The following ATG16L2 variants were observed in gnomAD, a reference collection of about 807,000 sequenced individuals.
The protein encoded by ATG16L2 is protein Atg16l2.
ATG16L2 carries 77 observed loss-of-function variants against 84.7 expected under a neutral mutation model. The ratio of observed to expected loss-of-function variants is 0.91; its 90% CI spans 0.76 to 1.10. The LOEUF is 1.10. Ranked by LOEUF, ATG16L2 falls within the 50% of genes least tolerant of loss-of-function variation. The pLI is 0.00. For missense variants in ATG16L2, 782 were observed against 817.6 expected, an observed-to-expected ratio of 0.96 and a Z score of 0.53; for synonymous variants, 361 against 342.8, an observed-to-expected ratio of 1.05 and a Z score of -0.59.
At position 72,814,571 on chromosome 11, in the gene ATG16L2, C is replaced by A; in HGVS notation, c.118+8C>A. 6.4e-7 allele frequency: 1 copy of A among 1,560,746 alleles called. No homozygotes were observed. The highest frequency in any genetic ancestry group is 8.7e-7 in the Non-Finnish European group (1 of 1,149,590). The stretch of plus-strand genomic sequence containing the variant: ...TGGAGCTGGTGCCGGCCTGTGAGTG[C>A]GCCCCGGTGCTGAGAGGATGGCGGC... On this transcript the variant is annotated splice_region_variant and intron_variant, in intron 1 of 17. Transcript: ENST00000321297.
intron 5 of ATG16L2, among the ~76,000 whole-genome samples, chr11:72,835,547 T>C: frequency 6.6e-6 from 1 of 152,074 alleles, no homozygotes; most frequent in Non-Finnish European, 1.5e-5. Flanking sequence ...ACAGGCTCAG[T>C]CCCCATGGCT....
At position 72,843,575 on chromosome 11, in the gene ATG16L2, T is replaced by C. The variant is rs146830265; in HGVS notation, c.*980T>C. On this transcript the variant is annotated 3_prime_UTR_variant, in exon 6 of 6. Transcript: ENST00000534905. ...CATGGACAAAATTAAAAAGGTTAGA[T>C]AAGGAGCAGATGTGAGCTGATCATG... 36 of 1,412,784 alleles carry C rather than the reference T, an allele frequency of 2.5e-5. 1 individual carries two copies. The highest frequency in any genetic ancestry group is 1.8e-4 in the Middle Eastern group (1 of 5,408). The allele number at this position is 1,412,784 out of a possible 1,614,324, so 87.5% of individuals were successfully genotyped here. A position where few individuals can be genotyped will look rare whatever the true frequency, so the allele number is the denominator to read the frequency against.
chr11:72,823,895 T>C (rs757322028), intron 7 of ATG16L2, 165 bp from the exon 8 acceptor site: 1 of 811,584 alleles, frequency 1.2e-6, no homozygotes, highest in Non-Finnish European at 2.2e-6. Flanking sequence ...TTCCTGGGAC[T>C]GATCTGGGTC....
Position 72,822,105 on chromosome 11 carries a change from C to A in ATG16L2, c.454C>A (p.Gln152Lys). The part of the protein sequence containing the change: ...LREARAQQAQ[Q>K]VEEWRAQNAV... ...AGAGGCGCGGGCGCAGCAGGCCCAG[C>A]AGGTGGAGGAGTGGCGGGCGCAGAA... The change falls in exon 5 of 18, where the codon CAG becomes AAG. Residue 152 changes from glutamine to lysine, a missense_variant. By Grantham distance (53) the Gln-to-Lys change is moderately conservative. Coordinates refer to ENST00000321297, the MANE Select transcript of ATG16L2 (RefSeq NM_033388.2). The surrounding 1 kb of genome is among the most constrained non-coding windows in gnomAD (Gnocchi z 4.2). 6.5e-7 allele frequency: 1 copy of A among 1,537,278 alleles called. No individual in the cohort carries two copies. Among genetic ancestry groups the A allele is most frequent in the Non-Finnish European group, 8.7e-7 (1 of 1,152,692 alleles).
Position 72,828,932 on chromosome 11 carries a change from A to G in ATG16L2, c.1720A>G (p.Ile574Val). ...AGGCTCCTGTGATGGGGCCCTTTAC[A>G]TCTGGGATGTGGACACCGGGAAACT... is the stretch of plus-strand genomic sequence containing the variant. ...LAGSCDGALY[I>V]WDVDTGKLES... The change falls in exon 17 of 18, where the codon ATC (isoleucine) becomes GTC (valine). Residue 574 changes from isoleucine to valine, a missense_variant. Transcript: ENST00000321297. 1 of 1,613,938 alleles carries G rather than the reference A, an allele frequency of 6.2e-7. No individual in the cohort carries two copies. Among genetic ancestry groups the G allele is most frequent in the Non-Finnish European group, 8.5e-7 (1 of 1,179,986 alleles).
intron 5 of ATG16L2, among the ~76,000 whole-genome samples, chr11:72,842,012 C>T (rs1025927343): frequency 6.6e-6 from 1 of 152,164 alleles, no homozygotes; most frequent in Non-Finnish European, 1.5e-5. Context: ...TCACAATCAC[C>T]ACGCAAACAA....
At chr11:72,825,156 C>A in intron 9 of ATG16L2, 146 bp from the exon 10 acceptor site, 2 of 669,408 alleles carry the variant, frequency 3.0e-6, no homozygotes, top group Non-Finnish European at 5.1e-6. Flanking sequence ...GGGTTTGAAA[C>A]TCAGAGTGTG....
intron 3 of ATG16L2, among the ~76,000 whole-genome samples, chr11:72,819,687 ACCAGCC>A (rs1859870909): frequency 6.7e-6 from 1 of 150,362 alleles, no homozygotes; most frequent in Non-Finnish European, 1.5e-5. Context: ...CAGGACACAC[ACCAGCC>A]AGTACCCATT....
chr11:72,829,450 G>T lies in ATG16L2; in HGVS notation c.*60G>T. On this transcript the variant is annotated 3_prime_UTR_variant, in exon 18 of 18. Coordinates refer to ENST00000321297, the MANE Select transcript of ATG16L2 (RefSeq NM_033388.2). ...CCCGAAGCCTGAAGCTTCCTTCGGC[G>T]CCATGCAGGGGTTGGGGTTGGGACT... 6.3e-7 allele frequency: 1 copy of T among 1,575,312 alleles called. No homozygotes were observed. The highest frequency in any genetic ancestry group is 1.1e-5 in the South Asian group (1 of 88,204).
At chr11:72,829,181 A>T in intron 17 of ATG16L2, 122 bp from the exon 18 acceptor site, 1 of 1,198,148 alleles carries the variant, frequency 8.3e-7, no homozygotes, top group Non-Finnish European at 1.2e-6. Context: ...AGCTAACTTG[A>T]CAGATGAGGA....
downstream of ATG16L2, among the ~76,000 whole-genome samples, chr11:72,830,291 C>G (rs1485444014): frequency 6.6e-6 from 1 of 152,128 alleles, no homozygotes; most frequent in Non-Finnish European, 1.5e-5. Context: ...ACTCCCAGAC[C>G]ACTCACTACT....
chr11:72,835,747 A>T (rs971001080), intron 5 of ATG16L2, among the ~76,000 whole-genome samples: 24 of 139,516 alleles, frequency 1.7e-4, no homozygotes, highest in South Asian at 2.3e-4. Flanking sequence ...ACTGGAACAT[A>T]TTTTTTTTTT....
intron 5 of ATG16L2, chr11:72,838,893 C>G: frequency 8.8e-6 from 14 of 1,593,870 alleles, no homozygotes; most frequent in Non-Finnish European, 1.2e-5. Flanking sequence ...GAAACAATTA[C>G]GTAGTTTGTC....
intron 9 of ATG16L2, 61 bp from the exon 10 acceptor site, chr11:72,825,241 T>A: frequency 7.4e-7 from 1 of 1,344,992 alleles, no homozygotes; most frequent in Non-Finnish European, 1.1e-6. Context: ...AGAGGGCCCG[T>A]GAGCACTCAC....
intron 14 of ATG16L2, among the ~76,000 whole-genome samples, chr11:72,827,691 C>CTGTT (rs1860443323): frequency 1.3e-5 from 2 of 152,328 alleles, no homozygotes; most frequent in East Asian, 1.9e-4. Flanking sequence ...GTAATCCCAG[C>CTGTT]TGTTTGGGAG....
Position 72,829,526 on chromosome 11 carries a change from TG to T in ATG16L2, c.*137del, listed in dbSNP as rs777247190. ...GAAGAAGGCCTGGCAGGACCTGGCC[TG>T]TTTGTTTAAAAATGAAGTATGGGTT... On this transcript the variant is annotated 3_prime_UTR_variant, in exon 18 of 18. Transcript: ENST00000321297. 7.1e-7 allele frequency: 1 copy of T among 1,415,154 alleles called. No homozygotes were observed. Among genetic ancestry groups the T allele is most frequent in the Non-Finnish European group, 9.2e-7 (1 of 1,084,856 alleles). 87.7% of individuals were successfully genotyped at this position (1,415,154 alleles called of 1,614,324 possible). A position where few individuals can be genotyped will look rare whatever the true frequency, so the allele number is the denominator to read the frequency against.
intron 1 of ATG16L2, among the ~76,000 whole-genome samples, chr11:72,815,661 T>C (rs1859662610): frequency 6.6e-6 from 1 of 152,148 alleles, no homozygotes; most frequent in South Asian, 2.1e-4. Flanking sequence ...ATAGAGACCT[T>C]CTTTAGGTTT....
intron 3 of ATG16L2, chr11:72,818,629 A>T (rs1292147859): frequency 6.6e-6 from 1 of 152,190 alleles, no homozygotes; most frequent in Non-Finnish European, 1.5e-5. Context: ...GTCTCAGTTA[A>T]TCCTTCACAA....
chr11:72,826,657 G>C, intron 12 of ATG16L2, 46 bp from the exon 13 acceptor site: 2 of 1,614,098 alleles, frequency 1.2e-6, no homozygotes, highest in Non-Finnish European at 8.5e-7. Flanking sequence ...GGCCTGTTAT[G>C]GGGTCTTGGC....
Sources: allele counts gnomAD v4.1 joint callset (sites outside exome capture counted in the v4.1 genomes callset), GRCh38; gene constraint gnomAD v4.1.1; non-coding constraint Gnocchi (gnomAD v3.1); transcripts MANE v1.5; gene names NCBI Gene and HGNC (gene_info 2026-07-23, HGNC 2026-07-21).